The following SYNPR variants were observed in gnomAD, a reference collection of about 807,000 sequenced individuals.
The protein encoded by SYNPR is synaptoporin.
SYNPR carries 23 observed loss-of-function variants against 32.9 expected under a neutral mutation model. The observed-to-expected ratio is 0.70, with a 90% CI of 0.50 to 0.99. The LOEUF (loss-of-function observed/expected upper bound fraction) is 0.99. Among genes scored for constraint, SYNPR ranks in the 50% least tolerant of loss-of-function variants. The pLI, the probability that SYNPR is intolerant of heterozygous loss-of-function variation, is 0.00. For synonymous variants in SYNPR, 146 were observed against 135.9 expected (o/e 1.07, Z -0.52); for missense variants, 318 against 349.3 (o/e 0.91, Z 0.71).
rs1559526050 is a variant in SYNPR, at chr3:63,524,852, C to CGTGT, written c.210-31691_210-31690insGTGT. Among the ~76,000 whole-genome samples, 184 of 62,166 alleles carry CGTGT rather than the reference C, an allele frequency of 3.0e-3. 1 individual carries two copies. Among genetic ancestry groups the CGTGT allele is most frequent in the African/African-American group, 7.8e-3 (176 of 22,516 alleles). 40.8% of individuals were successfully genotyped at this position (62,166 alleles called of 152,430 possible). On this transcript the variant is annotated intron_variant, in intron 3 of 5. Transcript: ENST00000478300. The stretch of plus-strand genomic sequence containing the variant: ...GTGTGTGTGTGTGTGTGTGTGTGTG[C>CGTGT]ATGTGTGTGTGTGTGTGTGAGAGAG...
intron 3 of SYNPR, among the ~76,000 whole-genome samples, chr3:63,501,494 CAAAAAAA>C (rs377290258): frequency 1.6e-4 from 15 of 96,746 alleles, no homozygotes; most frequent in South Asian, 3.4e-4. Flanking sequence ...CTCCCCCAAC[CAAAAAAA>C]AAAAAAAAAA....
At chr3:63,456,389 C>T (rs947016073) in intron 2 of SYNPR, among the ~76,000 whole-genome samples, 9 of 152,074 alleles carry the variant, frequency 5.9e-5, no homozygotes, top group African/African-American at 1.9e-4. Flanking sequence ...TCCAGGCCAA[C>T]TTGCTGGGTG....
chr3:63,368,052 T>A (rs1466849301), intron 2 of SYNPR, among the ~76,000 whole-genome samples: 1 of 152,156 alleles, frequency 6.6e-6, no homozygotes, highest in East Asian at 1.9e-4. Context: ...AAACGAGACA[T>A]TGATTTTGGC....
chr3:63,207,878 T>G, the SYNPR span, among the ~76,000 whole-genome samples: 4 of 152,198 alleles, frequency 2.6e-5, no homozygotes, highest in African/African-American at 9.6e-5. Flanking sequence ...AGAGGCTTCT[T>G]CACTGCTCAG....
chr3:63,272,986 T>A (rs1030802234), intron 3 of SYNPR, among the ~76,000 whole-genome samples: 1 of 152,150 alleles, frequency 6.6e-6, no homozygotes, highest in Non-Finnish European at 1.5e-5. Context: ...CTCAGGAGAA[T>A]GTTAAAAATG....
chr3:63,567,829 T>C (rs1431496524), intron 4 of SYNPR, among the ~76,000 whole-genome samples: 1 of 152,226 alleles, frequency 6.6e-6, no homozygotes, highest in Non-Finnish European at 1.5e-5. Context: ...CGCACCTTTG[T>C]TCCACCACCT....
intron 4 of SYNPR, among the ~76,000 whole-genome samples, chr3:63,588,138 G>C (rs571584805): frequency 2.0e-5 from 3 of 152,024 alleles, no homozygotes; most frequent in African/African-American, 7.2e-5. Context: ...AAATCAGTTT[G>C]TGTCTGTTTG....
At chr3:63,420,901 G>A (rs1699787273) in intron 2 of SYNPR, among the ~76,000 whole-genome samples, 1 of 152,104 alleles carries the variant, frequency 6.6e-6, no homozygotes, top group Non-Finnish European at 1.5e-5. Context: ...TTAATTTTTT[G>A]AGTCACGGTC....
At chr3:63,268,393 C>T (rs1167463900) in intron 3 of SYNPR, among the ~76,000 whole-genome samples, 1 of 152,082 alleles carries the variant, frequency 6.6e-6, no homozygotes, top group Non-Finnish European at 1.5e-5. Flanking sequence ...GTATTGACCC[C>T]CCACCAAAAC....
At chr3:63,430,468 G>C (rs1008553829) in intron 2 of SYNPR, among the ~76,000 whole-genome samples, 2 of 151,984 alleles carry the variant, frequency 1.3e-5, no homozygotes, top group African/African-American at 4.8e-5. Flanking sequence ...GAAGTCTTAA[G>C]ACAAACAGTA....
At chr3:63,482,993 G>A (rs1701076536) in intron 3 of SYNPR, among the ~76,000 whole-genome samples, 1 of 152,150 alleles carries the variant, frequency 6.6e-6, no homozygotes, top group Non-Finnish European at 1.5e-5. Flanking sequence ...GGAGAGAAAT[G>A]TAGATTCTCA....
At chr3:63,464,945 T>C (rs1209245351) in intron 2 of SYNPR, among the ~76,000 whole-genome samples, 1 of 152,208 alleles carries the variant, frequency 6.6e-6, no homozygotes, top group Non-Finnish European at 1.5e-5. Flanking sequence ...CAGTCTCTTC[T>C]GCAGTGCTGG....
At chr3:63,244,440 G>A (rs555404814) in intron 1 of SYNPR, among the ~76,000 whole-genome samples, 2 of 152,204 alleles carry the variant, frequency 1.3e-5, no homozygotes, top group East Asian at 3.9e-4. Flanking sequence ...ACAACTCACT[G>A]CAATCTGTGA....
chr3:63,231,636 C>A (rs2086167569), intron 1 of SYNPR, among the ~76,000 whole-genome samples: 1 of 152,156 alleles, frequency 6.6e-6, no homozygotes, highest in South Asian at 2.1e-4. Context: ...ATTGCTGGGC[C>A]TTCCAACTTC....
At chr3:63,388,045 A>G (rs2088078440) in intron 2 of SYNPR, among the ~76,000 whole-genome samples, 1 of 152,154 alleles carries the variant, frequency 6.6e-6, no homozygotes, top group Admixed American at 6.5e-5. Flanking sequence ...CGGACCCTGC[A>G]GGGAGTTCTA....
intron 3 of SYNPR, among the ~76,000 whole-genome samples, chr3:63,269,740 A>G (rs1042470205): frequency 2.0e-5 from 3 of 152,348 alleles, no homozygotes; most frequent in Admixed American, 2.0e-4. Context: ...ATCCTATTTC[A>G]TCTTATTCAA....
chr3:63,514,351 C>T (rs1701754536), intron 3 of SYNPR, among the ~76,000 whole-genome samples: 1 of 152,200 alleles, frequency 6.6e-6, no homozygotes, highest in African/African-American at 2.4e-5. Context: ...CATCTTTACA[C>T]CTGCTGAAGA....
the SYNPR span, among the ~76,000 whole-genome samples, chr3:63,221,697 T>A: frequency 2.0e-5 from 3 of 152,082 alleles, no homozygotes; most frequent in Non-Finnish European, 2.9e-5. Context: ...GCCAGCAGAG[T>A]TCTGTGACTA....
intron 4 of SYNPR, among the ~76,000 whole-genome samples, chr3:63,595,904 GTTATATATATATAGTT>G (rs1385567910): frequency 0.027 from 2,053 of 74,774 alleles, 46 homozygotes; most frequent in Non-Finnish European, 0.043. Flanking sequence ...TATATATATA[GTTATATATATATAGTT>G]TTATATATAT....
Sources: gnomAD v4.1 joint callset for allele counts (sites outside exome capture counted in the v4.1 genomes callset) on GRCh38, gnomAD v4.1.1 for gene constraint, MANE v1.5 for transcripts, NCBI Gene and HGNC (gene_info 2026-07-23, HGNC 2026-07-21) for gene names.